The following CFDP1 variants were observed in gnomAD, a reference collection of about 807,000 sequenced individuals.
CFDP1 encodes the protein heterochromatin-stabilizing protein CFDP1.
Under a neutral mutation model 40.1 loss-of-function variants are expected in CFDP1, and 31 were observed. That is an observed-to-expected ratio of 0.77 (90% CI 0.58 to 1.04). The LOEUF (loss-of-function observed/expected upper bound fraction) is 1.04, where lower values mean the gene tolerates loss of function less well. CFDP1 is among the 50% of genes least tolerant of loss of function. CFDP1 has a pLI of 0.00. For missense variants in CFDP1, 423 were observed against 343.4 expected, an observed-to-expected ratio of 1.23 and a Z score of -1.83; for synonymous variants, 167 against 120.0, an observed-to-expected ratio of 1.39 and a Z score of -2.56.
chr16:75,407,693 T>C (rs914226883), intron 4 of CFDP1, among the ~76,000 whole-genome samples: 6 of 149,802 alleles, frequency 4.0e-5, no homozygotes, highest in Admixed American at 1.3e-4. Context: ...AATTCATGTA[T>C]AGGAAATTTG....
chr16:75,404,209 A>G (rs374566321), intron 4 of CFDP1, among the ~76,000 whole-genome samples: 1 of 151,658 alleles, frequency 6.6e-6, no homozygotes, highest in African/African-American at 2.4e-5. Flanking sequence ...TTGCCTTACA[A>G]TGAAGAATTC....
intron 5 of CFDP1, among the ~76,000 whole-genome samples, chr16:75,382,973 T>A (rs2078864415): frequency 6.6e-6 from 1 of 152,214 alleles, no homozygotes; most frequent in Non-Finnish European, 1.5e-5. Context: ...ACTGAAATTG[T>A]ACTACATTTC....
At chr16:75,336,417 T>C (rs1310364943) in intron 5 of CFDP1, among the ~76,000 whole-genome samples, 1 of 152,198 alleles carries the variant, frequency 6.6e-6, no homozygotes, top group East Asian at 1.9e-4. Flanking sequence ...AAGAACATTG[T>C]AAGCAGCAAG....
At chr16:75,327,887 C>T (rs1313085596) in intron 5 of CFDP1, among the ~76,000 whole-genome samples, 1 of 152,108 alleles carries the variant, frequency 6.6e-6, no homozygotes, top group African/African-American at 2.4e-5. Flanking sequence ...CCACACCTGG[C>T]TAATTTTTTT....
chr16:75,430,320 C>T (rs2079396594), intron 1 of CFDP1, among the ~76,000 whole-genome samples: 1 of 152,066 alleles, frequency 6.6e-6, no homozygotes, highest in Admixed American at 6.6e-5. Flanking sequence ...CAGGCACACG[C>T]CACCACACCC....
At chr16:75,367,158 C>T (rs1439919144) in intron 5 of CFDP1, among the ~76,000 whole-genome samples, 2 of 111,172 alleles carry the variant, frequency 1.8e-5, no homozygotes, top group Middle Eastern at 4.1e-3. Flanking sequence ...GAACGAGACT[C>T]CATCTCAAAA....
At chr16:75,432,820 G>C (rs935080027) in intron 1 of CFDP1, among the ~76,000 whole-genome samples, 4 of 152,108 alleles carry the variant, frequency 2.6e-5, no homozygotes, top group African/African-American at 9.7e-5. Flanking sequence ...GTCACAATGA[G>C]GCAAAAAGCA....
In CFDP1 at chr16:75,301,847, G is replaced by A. The variant is rs1255678103; in HGVS notation, c.809+3177C>T. ...CCAGAGGATTCTCATGCTCAGCCAAGGTGAAGAACAGAGCTCCAGTCCCTT... is the reference window on the plus strand; with the variant it reads ...CCAGAGGATTCTCATGCTCAGCCAAAGTGAAGAACAGAGCTCCAGTCCCTT... On this transcript the variant is annotated intron_variant, in intron 6 of 6. Coordinates refer to ENST00000283882, the MANE Select transcript of CFDP1 (RefSeq NM_006324.3). 2.6e-5 allele frequency: 4 copies of A among 152,250 alleles called. No homozygotes were observed. The East Asian group carries it at 7.7e-4, about 29-fold the overall frequency. 9.4% of individuals were successfully genotyped at this position (152,250 alleles called of 1,614,324 possible).
chr16:75,301,672 C>T (rs1044169312), intron 6 of CFDP1: 1 of 149,774 alleles, frequency 6.7e-6, no homozygotes, highest in Non-Finnish European at 1.5e-5. Context: ...AATTTTGAAC[C>T]TGTGGTCTAG....
intron 5 of CFDP1, among the ~76,000 whole-genome samples, chr16:75,394,173 T>C (rs1174639072): frequency 1.3e-5 from 2 of 152,336 alleles, no homozygotes; most frequent in Middle Eastern, 3.4e-3. Context: ...TAGGAGACTA[T>C]GCAGAACTCC....
At position 75,300,318 on chromosome 16, in the gene CFDP1, G is replaced by A. The variant is rs539467949; in HGVS notation, c.809+4706C>T. On this transcript the variant is annotated intron_variant, in intron 6 of 6. Transcript: ENST00000283882. Reference sequence around the variant, plus strand: ...TTTTCTTTTTTTGAGACAGAGTTTCGCTCTTGTTGCCTAGGCTGGAGTGCA... The same window carrying A: ...TTTTCTTTTTTTGAGACAGAGTTTCACTCTTGTTGCCTAGGCTGGAGTGCA... 2.1e-4 allele frequency among the ~76,000 whole-genome samples: 32 copies of A among 152,180 alleles called. No homozygotes were observed. The South Asian group carries it at 6.4e-3, about 31-fold the overall frequency.
intron 5 of CFDP1, among the ~76,000 whole-genome samples, chr16:75,313,642 G>A (rs2078308191): frequency 6.6e-6 from 1 of 152,250 alleles, no homozygotes; most frequent in African/African-American, 2.4e-5. Context: ...GCCAGCATGT[G>A]AGTTTTAAGG....
chr16:75,431,468 A>G (rs867726568), intron 1 of CFDP1, among the ~76,000 whole-genome samples: 2 of 148,942 alleles, frequency 1.3e-5, no homozygotes, highest in African/African-American at 2.5e-5. Flanking sequence ...AAAAAAAAAA[A>G]AAAAAAAAAG....
At chr16:75,395,008 G>A in intron 5 of CFDP1, 82 bp downstream of exon 5, 5 of 1,532,640 alleles carry the variant, frequency 3.3e-6, no homozygotes, top group Non-Finnish European at 4.5e-6. Flanking sequence ...CAAGGAGTCT[G>A]ATCTGCAGCG....
chr16:75,313,383 G>A (rs1220600947), intron 5 of CFDP1, among the ~76,000 whole-genome samples: 1 of 152,200 alleles, frequency 6.6e-6, no homozygotes, highest in African/African-American at 2.4e-5. Context: ...AGGCTGGAGT[G>A]CAGTGGCGTG....
intron 5 of CFDP1, chr16:75,394,873 C>A (rs1483804108): frequency 4.3e-6 from 2 of 466,854 alleles, no homozygotes; most frequent in Non-Finnish European, 3.7e-6. Context: ...ATTGCCCAGG[C>A]TGGTCACAAA....
At chr16:75,350,140 G>A (rs1454391846) in intron 5 of CFDP1, among the ~76,000 whole-genome samples, 1 of 152,074 alleles carries the variant, frequency 6.6e-6, no homozygotes, top group East Asian at 1.9e-4. Context: ...GTTCATCTGT[G>A]TTTATCAGTT....
At chr16:75,427,768 T>C (rs1199918627) in intron 1 of CFDP1, among the ~76,000 whole-genome samples, 2 of 152,218 alleles carry the variant, frequency 1.3e-5, no homozygotes, top group Non-Finnish European at 2.9e-5. Flanking sequence ...TGAAAACCCA[T>C]GTTCACAGAA....
At chr16:75,375,579 G>A (rs1271310776) in intron 5 of CFDP1, among the ~76,000 whole-genome samples, 1 of 151,962 alleles carries the variant, frequency 6.6e-6, no homozygotes, top group Non-Finnish European at 1.5e-5. Context: ...ATCACCTCAG[G>A]TCAGGAGTTC....
Sources: allele counts gnomAD v4.1 joint callset (sites outside exome capture counted in the v4.1 genomes callset), GRCh38; gene constraint gnomAD v4.1.1; transcripts MANE v1.5; gene names NCBI Gene and HGNC (gene_info 2026-07-23, HGNC 2026-07-21).